Variants in UNC80 observed in about 807,000 individuals in gnomAD.
The protein encoded by UNC80 is protein unc-80 homolog.
UNC80 carries 164 observed loss-of-function variants against 384.6 expected under a neutral mutation model. The ratio of observed to expected loss-of-function variants is 0.43; its 90% confidence interval spans 0.38 to 0.49. The LOEUF is 0.49. UNC80 is among the 20% of genes least tolerant of loss of function. The probability of loss-of-function intolerance (pLI) is 0.00; values close to 1 mark genes in which losing one functional copy is unlikely to be tolerated. For synonymous variants in UNC80, 1,486 were observed against 1,527.8 expected (o/e 0.97, Z 0.64); for missense variants, 3,330 against 4,143.0 (o/e 0.80, Z 5.39).
intron 23 of UNC80, among the ~76,000 whole-genome samples, chr2:209,876,560 T>C (rs955938440): frequency 6.6e-6 from 1 of 152,168 alleles, no homozygotes; most frequent in East Asian, 1.9e-4. Context: ...AGTTGCTTAG[T>C]TACAACATCC....
chr2:209,868,679 A>G (rs2084039331), intron 22 of UNC80, among the ~76,000 whole-genome samples: 1 of 152,206 alleles, frequency 6.6e-6, no homozygotes, highest in Non-Finnish European at 1.5e-5. Context: ...AGACTGTAAG[A>G]GACTCCCATG....
intron 18 of UNC80, among the ~76,000 whole-genome samples, chr2:209,836,166 CT>C (rs2081324766): frequency 6.6e-6 from 1 of 152,192 alleles, no homozygotes; most frequent in Admixed American, 6.5e-5. Context: ...TTTTCTTTAG[CT>C]TCCTTTCTTA....
At chr2:209,973,389 TAACTC>T (rs1432559040) in intron 56 of UNC80, 119 bp downstream of exon 56, 13 of 1,001,452 alleles carry the variant, frequency 1.3e-5, no homozygotes, top group Middle Eastern at 2.7e-4. Context: ...AGTTCCAACT[TAACTC>T]AGAAAGAATT....
intron 27 of UNC80, among the ~76,000 whole-genome samples, 179 bp downstream of exon 27, chr2:209,894,545 T>C (rs548377589): frequency 3.3e-5 from 5 of 152,302 alleles, no homozygotes; most frequent in Admixed American, 6.5e-5. Context: ...AGCTCAAGCC[T>C]TGATGTGCAT....
intron 13 of UNC80, among the ~76,000 whole-genome samples, chr2:209,825,672 T>C (rs777006543): frequency 2.6e-5 from 4 of 152,222 alleles, no homozygotes; most frequent in African/African-American, 7.2e-5. Flanking sequence ...TCTATACTTA[T>C]ATTCTCTAGC....
At chr2:209,809,855 G>A (rs2079203808) in intron 7 of UNC80, among the ~76,000 whole-genome samples, 1 of 152,188 alleles carries the variant, frequency 6.6e-6, no homozygotes, top group African/African-American at 2.4e-5. Context: ...GGCAGCCCCA[G>A]CTTGGGGGCA....
chr2:209,935,340 G>T (rs2091171808), intron 39 of UNC80, among the ~76,000 whole-genome samples: 1 of 152,128 alleles, frequency 6.6e-6, no homozygotes, highest in South Asian at 2.1e-4. Context: ...TTGAGAACTT[G>T]GCCTAGCGCG....
intron 22 of UNC80, among the ~76,000 whole-genome samples, chr2:209,865,516 G>T (rs1307828604): frequency 1.3e-5 from 2 of 151,624 alleles, no homozygotes; most frequent in African/African-American, 4.8e-5. Flanking sequence ...GCAGGAGAAT[G>T]GCGTGAACCC....
intron 35 of UNC80, among the ~76,000 whole-genome samples, chr2:209,925,176 A>G (rs1033526767): frequency 2.0e-5 from 3 of 151,876 alleles, no homozygotes; most frequent in African/African-American, 4.8e-5. Context: ...AAAAAAGTGT[A>G]TTTCACAGTA....
Position 209,820,451 on chromosome 2 carries a change from C to G in UNC80, c.2103C>G (p.Asn701Lys). The G allele has an allele frequency of 2.6e-6, 4 of 1,551,580 alleles. No individual in the cohort carries two copies. The highest frequency in any genetic ancestry group is 3.5e-6 in the Non-Finnish European group (4 of 1,146,980). ...AAAAGAATAGAAAGAAGAGTGAAAA[C>G]AAGGAAAATGAGACCTTGGAAAAGA... ...CVEKNRKKSENKENETLEKRP... is the reference protein window; with the variant it reads ...CVEKNRKKSEKKENETLEKRP... Residue 701 changes from asparagine (N) to lysine (K), a missense_variant, in exon 13 of 65, where the codon AAC becomes AAG. Asn to Lys is a moderately conservative substitution (Grantham distance 94). Around this residue, in one of 8 missense-constraint regions of UNC80, gnomAD observed 937 missense variants for 1,026.8 expected, o/e 0.91. Transcript: ENST00000673920.
intron 15 of UNC80, among the ~76,000 whole-genome samples, chr2:209,830,154 T>C (rs1490914940): frequency 6.6e-6 from 1 of 152,234 alleles, no homozygotes. Context: ...ATTGTTTATA[T>C]AACAAATGTA....
At chr2:209,994,940 T>G (rs544817028) in intron 64 of UNC80, among the ~76,000 whole-genome samples, 24 of 152,342 alleles carry the variant, frequency 1.6e-4, no homozygotes, top group African/African-American at 5.8e-4. Flanking sequence ...TTTTGGTATA[T>G]TTTTTCTTTT....
At chr2:209,987,000 G>T (rs954700309) in intron 61 of UNC80, among the ~76,000 whole-genome samples, 18 of 152,106 alleles carry the variant, frequency 1.2e-4, no homozygotes, top group African/African-American at 3.9e-4. Flanking sequence ...AGGTAATGAC[G>T]CTTAACATAC....
intron 23 of UNC80, among the ~76,000 whole-genome samples, chr2:209,873,590 A>G (rs2084501925): frequency 6.6e-6 from 1 of 152,184 alleles, no homozygotes; most frequent in Non-Finnish European, 1.5e-5. Context: ...AAATAACTAC[A>G]ACTTCTTTAC....
intron 60 of UNC80, among the ~76,000 whole-genome samples, chr2:209,984,124 A>G (rs572686140): frequency 3.9e-5 from 6 of 152,200 alleles, no homozygotes; most frequent in Non-Finnish European, 7.4e-5. Flanking sequence ...TCTGTTCACA[A>G]ATCTCAGTTC....
In UNC80 at chr2:209,913,847, G is replaced by A. The variant is rs1174585154; in HGVS notation, c.4936G>A (p.Ala1646Thr). The stretch of plus-strand genomic sequence containing the variant: ...TCCCTTATCTCTGTTAATCAAGGCA[G>A]CACCAATTCTGACAGAGGAGATGTA... ...PAPLSLLIKA[A>T]PILTEEMYGD... The change falls in exon 31 of 65, where the codon GCA becomes ACA. Residue 1646 changes from alanine to threonine, a missense_variant. This residue lies in a region of UNC80 where 801 missense variants were observed against 950.8 expected (regional missense o/e 0.84). Coordinates refer to ENST00000673920, the MANE Select transcript of UNC80 (RefSeq NM_001371986.1). The A allele has an allele frequency of 6.4e-7, 1 of 1,551,402 alleles. No individual in the cohort carries two copies. The highest frequency in any genetic ancestry group is 8.7e-7 in the Non-Finnish European group (1 of 1,146,722).
At chr2:209,892,267 T>G (rs988340824) in intron 26 of UNC80, among the ~76,000 whole-genome samples, 1 of 152,138 alleles carries the variant, frequency 6.6e-6, no homozygotes, top group African/African-American at 2.4e-5. Flanking sequence ...CAGCAGGACT[T>G]GCTAATTGAT....
chr2:209,977,242 A>C (rs75931221), intron 58 of UNC80, among the ~76,000 whole-genome samples, 164 bp downstream of exon 58: 1,803 of 152,358 alleles, frequency 0.012, 12 homozygotes, highest in Non-Finnish European at 0.019. Context: ...CCATTTGACC[A>C]CCACTAGATT....
At position 209,872,384 on chromosome 2, in the gene UNC80, G is replaced by T. The variant is rs1245142817; in HGVS notation, c.3628-374G>T. Among the ~76,000 whole-genome samples the T allele has an allele frequency of 1.3e-5, 2 of 151,904 alleles. No individual in the cohort carries two copies. Among genetic ancestry groups the T allele is most frequent in the African/African-American group, 2.4e-5 (1 of 41,332 alleles). ...TTTGTTTGCTTCATGTAAAATTTAG[G>T]GTTCAAAAAAAGATTCATCTTTAAG... On this transcript the variant is annotated intron_variant, in intron 22 of 64. Transcript: ENST00000673920. The surrounding 1 kb of genome is among the most constrained non-coding windows in gnomAD (Gnocchi z 4.1).
Sources: gnomAD v4.1 joint callset for allele counts (sites outside exome capture counted in the v4.1 genomes callset) on GRCh38, gnomAD v4.1.1 for gene constraint, gnomAD v4.1.1 regional missense constraint, Gnocchi (gnomAD v3.1) non-coding constraint, MANE v1.5 for transcripts, NCBI Gene and HGNC (gene_info 2026-07-23, HGNC 2026-07-21) for gene names.